The following INSL6 variants were observed in gnomAD, a reference collection of about 807,000 sequenced individuals.
INSL6 encodes insulin like 6, also known as insulin-like peptide INSL6.
INSL6 carries 16 observed loss-of-function variants against 9.4 expected under a neutral mutation model. The observed-to-expected ratio is 1.70, with a 90% confidence interval of 1.15 to 2.59. INSL6 has a LOEUF of 2.59. Ranked by LOEUF, INSL6 falls within the 30% of genes most tolerant of loss-of-function variation. The probability of loss-of-function intolerance (pLI) is 0.00; values close to 1 mark genes in which losing one functional copy is unlikely to be tolerated. For missense variants in INSL6, 391 were observed against 257.3 expected, an observed-to-expected ratio of 1.52 and a Z score of -3.56; for synonymous variants, 154 against 96.9, an observed-to-expected ratio of 1.59 and a Z score of -3.46.
At chr9:5,142,941 A>G (rs1824531836) in intron 2 of INSL6, among the ~76,000 whole-genome samples, 1 of 152,184 alleles carries the variant, frequency 6.6e-6, no homozygotes, top group South Asian at 2.1e-4. Context: ...CCTTTTCTGC[A>G]TCTATTGAGA....
chr9:5,056,055 C>A, the INSL6 span, among the ~76,000 whole-genome samples: 1 of 151,978 alleles, frequency 6.6e-6, no homozygotes, highest in African/African-American at 2.4e-5. Flanking sequence ...CTTTCTCCCC[C>A]ATCCCTACTC....
At chr9:5,136,382 G>A (rs1211753915) in intron 2 of INSL6, among the ~76,000 whole-genome samples, 3 of 152,148 alleles carry the variant, frequency 2.0e-5, no homozygotes, top group Non-Finnish European at 2.9e-5. Flanking sequence ...TAAAATACTG[G>A]CAAACTGAAT....
intron 3 of INSL6, chr9:5,127,513 A>T: frequency 4.3e-6 from 1 of 231,260 alleles, no homozygotes; most frequent in Non-Finnish European, 8.6e-6. Context: ...CAAAGATATA[A>T]TCTATTTTAT....
At chr9:5,160,706 A>G (rs1054670334), downstream of INSL6, among the ~76,000 whole-genome samples, 1 of 152,192 alleles carries the variant, frequency 6.6e-6, no homozygotes, top group African/African-American at 2.4e-5. Context: ...AGACTAACTT[A>G]GATAAAAAGT....
At chr9:5,115,394 TAA>T in the INSL6 span, among the ~76,000 whole-genome samples, 1 of 152,108 alleles carries the variant, frequency 6.6e-6, no homozygotes, top group Non-Finnish European at 1.5e-5. Flanking sequence ...TGGCGATCAT[TAA>T]AAAGTCAGGC....
At chr9:5,147,648 T>C (rs1286464133) in intron 2 of INSL6, among the ~76,000 whole-genome samples, 1 of 142,418 alleles carries the variant, frequency 7.0e-6, no homozygotes, top group African/African-American at 2.8e-5. Context: ...TCTTCAAATA[T>C]ATTTTCCAAG....
chr9:5,038,320 C>G, the INSL6 span, among the ~76,000 whole-genome samples: 2 of 152,022 alleles, frequency 1.3e-5, no homozygotes, highest in Non-Finnish European at 2.9e-5. Context: ...AAAGCCCAGG[C>G]CCAAGTGGCT....
the INSL6 span, among the ~76,000 whole-genome samples, chr9:5,005,116 TTTTTTTTTTTTTTTTTA>T: frequency 6.9e-5 from 5 of 72,732 alleles, no homozygotes; most frequent in South Asian, 5.3e-4. Flanking sequence ...TTTTTTTTTT[TTTTTTTTTTTTTTTTTA>T]GGTACAGGGT....
the INSL6 span, among the ~76,000 whole-genome samples, chr9:5,086,334 C>G: frequency 4.5e-4 from 68 of 152,306 alleles, no homozygotes; most frequent in African/African-American, 1.5e-3. Flanking sequence ...TACCTTCTCG[C>G]TTCACTCCTA....
chr9:5,088,615 A>C, the INSL6 span, among the ~76,000 whole-genome samples: 4 of 152,234 alleles, frequency 2.6e-5, no homozygotes, highest in Admixed American at 1.3e-4. Context: ...CTGCTATAAC[A>C]AAATACCATA....
At chr9:4,994,606 C>T in the INSL6 span, among the ~76,000 whole-genome samples, 1 of 152,202 alleles carries the variant, frequency 6.6e-6, no homozygotes, top group Admixed American at 6.5e-5. Flanking sequence ...CTACTCAATT[C>T]CGCCTTTGTG....
the INSL6 span, among the ~76,000 whole-genome samples, chr9:5,117,855 T>C: frequency 6.6e-6 from 1 of 152,154 alleles, no homozygotes; most frequent in Non-Finnish European, 1.5e-5. Context: ...GAGAGGCTAA[T>C]AGTAGAGAGG....
At chr9:5,056,416 A>G in the INSL6 span, among the ~76,000 whole-genome samples, 3 of 152,060 alleles carry the variant, frequency 2.0e-5, no homozygotes, top group Non-Finnish European at 4.4e-5. Context: ...TTCCTGGCTT[A>G]AACTAGTCCT....
At chr9:5,068,177 A>G in the INSL6 span, among the ~76,000 whole-genome samples, 3 of 71,116 alleles carry the variant, frequency 4.2e-5, no homozygotes, top group Non-Finnish European at 6.9e-5. Flanking sequence ...ACAACAACAA[A>G]AAAAAAAAAA....
chr9:5,109,515 C>T, the INSL6 span: 1 of 152,168 alleles, frequency 6.6e-6, no homozygotes, highest in African/African-American at 2.4e-5. Flanking sequence ...TTTTCCACTA[C>T]TATAATAGCC....
the INSL6 span, among the ~76,000 whole-genome samples, chr9:5,031,489 A>G: frequency 2.0e-5 from 3 of 152,208 alleles, no homozygotes; most frequent in African/African-American, 7.2e-5. Flanking sequence ...TAGTCAACAA[A>G]TGGTGGTAGA....
chr9:5,025,928 T>C, the INSL6 span, among the ~76,000 whole-genome samples: 1 of 152,256 alleles, frequency 6.6e-6, no homozygotes, highest in Non-Finnish European at 1.5e-5. Flanking sequence ...TTCAAGTTTA[T>C]TGGCATAATG....
the INSL6 span, among the ~76,000 whole-genome samples, chr9:5,082,091 G>C: frequency 6.6e-5 from 10 of 152,142 alleles, no homozygotes; most frequent in Non-Finnish European, 1.5e-4. Flanking sequence ...TGGGACCAGA[G>C]ACTGAGAAAA....
the INSL6 span, chr9:5,100,197 C>T: frequency 1.3e-5 from 2 of 152,356 alleles, no homozygotes; most frequent in East Asian, 1.9e-4. Context: ...CTTATGTCTT[C>T]ACACTACTAG....
Sources: allele counts gnomAD v4.1 joint callset (sites outside exome capture counted in the v4.1 genomes callset), GRCh38; gene constraint gnomAD v4.1.1; transcripts MANE v1.5; gene names NCBI Gene and HGNC (gene_info 2026-07-23, HGNC 2026-07-21).